The following CHRNA3 variants were observed in gnomAD, a reference collection of about 807,000 sequenced individuals.
The protein encoded by CHRNA3 is neuronal acetylcholine receptor subunit alpha-3.
Under a neutral mutation model 41.9 loss-of-function variants are expected in CHRNA3, and 34 were observed. The observed-to-expected ratio is 0.81, with a 90% CI of 0.62 to 1.08. CHRNA3 has a LOEUF of 1.08. Among genes scored for constraint, CHRNA3 ranks in the 50% least tolerant of loss-of-function variants. The pLI is 0.00. For missense variants in CHRNA3, 542 were observed against 638.3 expected (o/e 0.85, Z 1.63); for synonymous variants, 281 against 265.2 (o/e 1.06, Z -0.58).
chr15:78,611,947 G>A (rs2053386346), intron 4 of CHRNA3, among the ~76,000 whole-genome samples: 1 of 152,088 alleles, frequency 6.6e-6, no homozygotes. Flanking sequence ...GCCAAATCAT[G>A]AGTGAACTAC....
At chr15:78,603,940 T>G (rs542202843) in intron 4 of CHRNA3, among the ~76,000 whole-genome samples, 5 of 152,076 alleles carry the variant, frequency 3.3e-5, no homozygotes, top group Non-Finnish European at 7.4e-5. Flanking sequence ...CCAAGTGGAC[T>G]CAGCCCATGT....
intron 1 of CHRNA3, chr15:78,619,124 T>C: frequency 1.7e-6 from 1 of 602,516 alleles, no homozygotes. Flanking sequence ...GCCACACGCA[T>C]TCAGTGAGAA....
intron 4 of CHRNA3, among the ~76,000 whole-genome samples, chr15:78,613,032 A>C (rs1284157778): frequency 6.6e-6 from 1 of 152,220 alleles, no homozygotes; most frequent in African/African-American, 2.4e-5. Context: ...ACCATCTCAC[A>C]CCAGTTAGAA....
chr15:78,602,486 C>T (rs1463736128), intron 4 of CHRNA3, among the ~76,000 whole-genome samples: 1 of 152,192 alleles, frequency 6.6e-6, no homozygotes, highest in Non-Finnish European at 1.5e-5. Flanking sequence ...TGGATCACTC[C>T]CTGCCCCAGG....
intron 4 of CHRNA3, among the ~76,000 whole-genome samples, chr15:78,604,682 C>G (rs1366759916): frequency 1.3e-5 from 2 of 152,124 alleles, no homozygotes; most frequent in African/African-American, 4.8e-5. Context: ...TCATAAAGGG[C>G]ACTCAGTAAA....
At position 78,601,452 on chromosome 15, in the gene CHRNA3, C is replaced by A; in HGVS notation, c.1190G>T (p.Cys397Phe). ...GCAGTAACCACACATCCCGTCCTGG[C>A]AGGGGTAGCCCTCCTTGCAGCCTTT... The part of the protein sequence containing the change: ...ESKGCKEGYP[C>F]QDGMCGYCHH... Residue 397 changes from cysteine to phenylalanine, a missense_variant, in exon 5 of 6, where the codon TGC (cysteine) becomes TTC (phenylalanine). Cys to Phe is a radical substitution (Grantham distance 205). Coordinates refer to ENST00000326828, the MANE Select transcript of CHRNA3 (RefSeq NM_000743.5). The A allele has an allele frequency of 6.2e-7, 1 of 1,614,168 alleles. No individual in the cohort carries two copies. The highest frequency in any genetic ancestry group is 8.5e-7 in the Non-Finnish European group (1 of 1,180,036).
chr15:78,605,432 A>G (rs2053268648), intron 4 of CHRNA3, among the ~76,000 whole-genome samples: 2 of 152,242 alleles, frequency 1.3e-5, no homozygotes, highest in African/African-American at 4.8e-5. Context: ...CCGGGGGAAA[A>G]GAAAGAAGGG....
chr15:78,608,061 A>AGC (rs2053323393), intron 4 of CHRNA3, among the ~76,000 whole-genome samples: 1 of 152,220 alleles, frequency 6.6e-6, no homozygotes, highest in Admixed American at 6.5e-5. Flanking sequence ...AGGTAAACAA[A>AGC]GCAGCCGGGA....
Position 78,596,019 on chromosome 15 carries a change from A to AGTT in CHRNA3, c.*582_*584dup. On this transcript the variant is annotated 3_prime_UTR_variant, in exon 6 of 6. Coordinates refer to ENST00000326828, the MANE Select transcript of CHRNA3 (RefSeq NM_000743.5). ...CACCCAGTTTATGGTGTACTAAGAC[A>AGTT]GTTATATTAACAATGAATAACTAGG... The AGTT allele has an allele frequency of 2.1e-6, 2 of 961,158 alleles. No homozygotes were observed. Among genetic ancestry groups the AGTT allele is most frequent in the Non-Finnish European group, 2.5e-6 (2 of 808,184 alleles). The allele number at this position is 961,158 out of a possible 1,614,324, so 59.5% of individuals were successfully genotyped here.
intron 3 of CHRNA3, chr15:78,618,321 G>T (rs2141346383): frequency 2.7e-6 from 1 of 374,902 alleles, no homozygotes; most frequent in East Asian, 5.0e-5. Context: ...TGGGGGCAGG[G>T]CTTCAATCTC....
rs768015218 is a variant in CHRNA3, at chr15:78,610,182, CA to C, written c.377+6841del. ...AGACAGATCAACAAGACAAAGTTAA[CA>C]ACGATACCCAGGAATTGAACTCAGC... On this transcript the variant is annotated intron_variant, in intron 4 of 5. Transcript: ENST00000326828. Among the ~76,000 whole-genome samples, 227 of 152,282 alleles carry C rather than the reference CA, an allele frequency of 1.5e-3. 2 individuals are homozygous for C. The highest frequency in any genetic ancestry group is 6.8e-3 in the Middle Eastern group (2 of 294).
chr15:78,614,331 C>T (rs773050264), intron 4 of CHRNA3, among the ~76,000 whole-genome samples: 69 of 152,270 alleles, frequency 4.5e-4, no homozygotes, highest in South Asian at 1.9e-3. Flanking sequence ...GTGATTCCTA[C>T]GACAATTCAG....
intron 5 of CHRNA3, among the ~76,000 whole-genome samples, chr15:78,599,093 G>A (rs1596071291): frequency 6.6e-6 from 1 of 152,092 alleles, no homozygotes; most frequent in East Asian, 1.9e-4. Context: ...ACCTGCCTCG[G>A]CCTCCCAAAG....
intron 1 of CHRNA3, chr15:78,619,896 GCAGGAGGT>G (rs1473120492): frequency 2.0e-5 from 3 of 152,322 alleles, no homozygotes; most frequent in African/African-American, 7.2e-5. Flanking sequence ...AGGGTCCCAG[GCAGGAGGT>G]CGGTTGAGAG....
intron 3 of CHRNA3, chr15:78,618,338 G>T (rs935124008): frequency 2.0e-5 from 9 of 445,696 alleles, no homozygotes; most frequent in South Asian, 2.9e-5. Context: ...TCTCAGGTTC[G>T]TACTCTTCTG....
At position 78,617,760 on chromosome 15, in the gene CHRNA3, T is replaced by C. The variant is rs76416899; in HGVS notation, c.268-627A>G. Among the ~76,000 whole-genome samples, 832 of 152,244 alleles carry C rather than the reference T, an allele frequency of 5.5e-3. 7 individuals carry two copies. The highest frequency in any genetic ancestry group is 8.4e-3 in the Non-Finnish European group (572 of 68,010). On this transcript the variant is annotated intron_variant, in intron 3 of 5. Transcript: ENST00000326828. ...TCCAACCTCCTGGGGATGAAGGCTG[T>C]GTGTGCTGAGTGCTCAGCTGGCCAG...
chr15:78,594,792 C>A (rs1168296717), downstream of CHRNA3: 1 of 152,182 alleles, frequency 6.6e-6, no homozygotes, highest in Non-Finnish European at 1.5e-5. Flanking sequence ...AGTTTTCTCT[C>A]CTTCATTCTA....
At chr15:78,614,493 GA>G (rs2053433181) in intron 4 of CHRNA3, among the ~76,000 whole-genome samples, 1 of 152,170 alleles carries the variant, frequency 6.6e-6, no homozygotes, top group Non-Finnish European at 1.5e-5. Flanking sequence ...ACTGTCTTTA[GA>G]GTGAGTAAAG....
At chr15:78,607,879 A>C (rs1295489968) in intron 4 of CHRNA3, among the ~76,000 whole-genome samples, 1 of 152,156 alleles carries the variant, frequency 6.6e-6, no homozygotes, top group African/African-American at 2.4e-5. Flanking sequence ...CTAATACTGC[A>C]CTTTTCCAAC....
Sources: allele counts gnomAD v4.1 joint callset (sites outside exome capture counted in the v4.1 genomes callset), GRCh38; gene constraint gnomAD v4.1.1; transcripts MANE v1.5; gene names NCBI Gene and HGNC (gene_info 2026-07-23, HGNC 2026-07-21).